The following LRPPRC variants were observed in gnomAD, a reference collection of about 807,000 sequenced individuals.
LRPPRC encodes the protein leucine rich pentatricopeptide repeat containing.
Under a neutral mutation model 180.3 loss-of-function variants are expected in LRPPRC, and 120 were observed. That is an observed-to-expected ratio of 0.67 (90% CI 0.57 to 0.77). The LOEUF is 0.77. Ranked by LOEUF, LRPPRC falls within the 30% of genes least tolerant of loss-of-function variation. The pLI, the probability that LRPPRC is intolerant of heterozygous loss-of-function variation, is 0.00. For synonymous variants in LRPPRC, 723 were observed against 600.0 expected (o/e 1.21, Z -3.00); for missense variants, 2,012 against 1,657.2 (o/e 1.21, Z -3.72).
Position 43,974,715 on chromosome 2 carries a change from C to T in LRPPRC, c.908G>A (p.Arg303His), listed in dbSNP as rs745653250. The change falls in exon 8 of 38, where the codon CGT becomes CAT. Residue 303 changes from arginine (R) to histidine (H), a missense_variant. By Grantham distance (29) the Arg-to-His change is conservative. Coordinates refer to ENST00000260665, the MANE Select transcript of LRPPRC (RefSeq NM_133259.4). ...GCTAAAAATAATTTGCAGTAAATCA[C>T]GGTCCATAAGGTGAAGCTCGGACTT... ...VEKSELHLMD[R>H]DLLQIIFSFS... 1.2e-4 allele frequency: 186 copies of T among 1,613,084 alleles called. No individual in the cohort carries two copies. The highest frequency in any genetic ancestry group is 1.6e-4 in the Middle Eastern group (1 of 6,082).
At position 43,957,495 on chromosome 2, in the gene LRPPRC, T is replaced by C. The variant is rs752365043; in HGVS notation, c.1583-44A>G. On this transcript the variant is annotated intron_variant, in intron 13 of 37. Coordinates refer to ENST00000260665, the MANE Select transcript of LRPPRC (RefSeq NM_133259.4). ...ATCATTAAATCTCAGACCAAACAAATTTAAAAACCCTGTATTATCAAATTG... is the reference window on the plus strand; with the variant it reads ...ATCATTAAATCTCAGACCAAACAAACTTAAAAACCCTGTATTATCAAATTG... 5.8e-5 allele frequency: 81 copies of C among 1,387,856 alleles called. 1 individual carries two copies. In the Admixed American group the frequency reaches 1.3e-3, roughly 22 times the overall value. The allele number at this position is 1,387,856 out of a possible 1,614,324, so 86.0% of individuals were successfully genotyped here.
chr2:43,943,924 G>A (rs770586884), intron 22 of LRPPRC, 30 bp from the exon 23 acceptor site: 3 of 1,530,810 alleles, frequency 2.0e-6, no homozygotes, highest in Admixed American at 1.7e-5. Context: ...AAGACCCTTA[G>A]GTAATTTCAT....
At chr2:43,947,409 A>C (rs766465947) in intron 19 of LRPPRC, 39 bp from the exon 20 acceptor site, 1 of 1,017,260 alleles carries the variant, frequency 9.8e-7, no homozygotes, top group Non-Finnish European at 1.6e-6. Flanking sequence ...TTTCCTGAAA[A>C]AGGAAATATA....
chr2:43,944,957 T>C (rs145121493), intron 22 of LRPPRC, among the ~76,000 whole-genome samples: 2 of 152,208 alleles, frequency 1.3e-5, no homozygotes, highest in East Asian at 3.9e-4. Flanking sequence ...GTTATGTTTA[T>C]AGGTTTTACG....
chr2:43,973,497 A>C, intron 11 of LRPPRC, 110 bp downstream of exon 11: 1 of 765,426 alleles, frequency 1.3e-6, no homozygotes, highest in South Asian at 1.4e-5. Flanking sequence ...CCATTATCTC[A>C]TAATACTCAG....
chr2:43,948,477 TCA>T lies in LRPPRC; in HGVS notation c.1775_1776del (p.Met592LysfsTer2). On this transcript the variant is annotated frameshift_variant, in exon 17 of 38. Coordinates refer to ENST00000260665, the MANE Select transcript of LRPPRC (RefSeq NM_133259.4). LOFTEE classifies it high-confidence loss of function. ...TCCTTGGCCTGTACCTCTGAGTCAC[TCA>T]TGCTGTCAATCAAGTTATAAAGAAA... ...GYFLYNLIDS[M>X]SDSEVQAKEE... 1 of 1,611,636 alleles carries T rather than the reference TCA, an allele frequency of 6.2e-7. No homozygotes were observed. Among genetic ancestry groups the T allele is most frequent in the South Asian group, 1.1e-5 (1 of 91,032 alleles).
At chr2:43,932,293 A>C (rs1489452242) in intron 25 of LRPPRC, among the ~76,000 whole-genome samples, 2 of 152,104 alleles carry the variant, frequency 1.3e-5, no homozygotes, top group African/African-American at 4.8e-5. Context: ...TGAGCTTATG[A>C]CTGGTTTATC....
chr2:43,963,548 T>G (rs201360053), intron 12 of LRPPRC, 40 bp downstream of exon 12: 1 of 1,174,880 alleles, frequency 8.5e-7, no homozygotes, highest in South Asian at 1.2e-5. Flanking sequence ...AGGAAAGATA[T>G]CCTCTTCAAT....
At chr2:43,974,592 A>C (rs758712784) in intron 8 of LRPPRC, 22 bp downstream of exon 8, 8 of 1,452,442 alleles carry the variant, frequency 5.5e-6, no homozygotes, top group Non-Finnish European at 6.7e-6. Context: ...AAAATCATGT[A>C]AATAGATTTT....
Position 43,934,219 on chromosome 2 carries a change from T to C in LRPPRC, c.2707A>G (p.Asn903Asp). The part of the protein sequence containing the change: ...DLFFAFLQTG[N>D]YKEAKKIIET... ...ATGATCTTCTTGGCCTCTTTGTAAT[T>C]TCCTGTTTGTAGGAAGGCAAAGAAG... The change falls in exon 25 of 38, where the codon AAT (asparagine) becomes GAT (aspartate). Residue 903 changes from asparagine to aspartate, a missense_variant. Transcript: ENST00000260665. The C allele has an allele frequency of 1.2e-6, 2 of 1,610,354 alleles. No homozygotes were observed. Among genetic ancestry groups the C allele is most frequent in the Non-Finnish European group, 1.7e-6 (2 of 1,176,928 alleles).
Position 43,934,901 on chromosome 2 carries a change from A to G in LRPPRC, c.2505-23T>C, listed in dbSNP as rs376923683. 1.8e-5 allele frequency: 29 copies of G among 1,606,360 alleles called. No individual in the cohort carries two copies. The African/African-American group carries it at 3.6e-4, about 20-fold the overall frequency. On this transcript the variant is annotated intron_variant, in intron 23 of 37. Coordinates refer to ENST00000260665, the MANE Select transcript of LRPPRC (RefSeq NM_133259.4). ...CCCCTTAGAAACAAAAAAATTAGCA[A>G]TGAATAAAATAAATCGAATTCAGCT...
At chr2:43,894,369 A>G (rs1670605944) in intron 36 of LRPPRC, among the ~76,000 whole-genome samples, 176 bp downstream of exon 36, 1 of 152,246 alleles carries the variant, frequency 6.6e-6, no homozygotes, top group South Asian at 2.1e-4. Context: ...TAATAGTTTA[A>G]AAACATATTC....
chr2:43,889,938 C>A, intron 36 of LRPPRC, 62 bp from the exon 37 acceptor site: 1 of 1,240,936 alleles, frequency 8.1e-7, no homozygotes, highest in Non-Finnish European at 1.2e-6. Context: ...CTCTTTTCAC[C>A]AAAACAGCCA....
In LRPPRC at chr2:43,986,480, A is replaced by G. The variant is rs575721178; in HGVS notation, c.150-4046T>C. Among the ~76,000 whole-genome samples, 24 of 152,258 alleles carry G rather than the reference A, an allele frequency of 1.6e-4. 1 individual carries two copies. In the South Asian group the frequency reaches 4.8e-3, roughly 30 times the overall value. ...TCCACTTTTTTTCTTCTTCACTGAT[A>G]TTATGAATCAGTTTAGTGTCACTTT... On this transcript the variant is annotated intron_variant, in intron 1 of 37. Coordinates refer to ENST00000260665, the MANE Select transcript of LRPPRC (RefSeq NM_133259.4).
chr2:43,946,072 G>T, intron 21 of LRPPRC, 41 bp downstream of exon 21: 1 of 1,597,300 alleles, frequency 6.3e-7, no homozygotes. Context: ...CTGTAGAGCA[G>T]AATAAATGTT....
At chr2:43,977,572 C>T (rs1187760948) in intron 3 of LRPPRC, among the ~76,000 whole-genome samples, 2 of 152,094 alleles carry the variant, frequency 1.3e-5, no homozygotes, top group Non-Finnish European at 2.9e-5. Flanking sequence ...TGACAATATC[C>T]CTATATTTAA....
chr2:43,995,679 T>TA lies in LRPPRC; in HGVS notation c.149+119dup, dbSNP rs1467981645. 13 of 976,766 alleles carry TA rather than the reference T, an allele frequency of 1.3e-5. No homozygotes were observed. In the African/African-American group the frequency reaches 2.3e-4, roughly 17 times the overall value. The allele number at this position is 976,766 out of a possible 1,614,324, so 60.5% of individuals were successfully genotyped here. On this transcript the variant is annotated intron_variant, in intron 1 of 37. Coordinates refer to ENST00000260665, the MANE Select transcript of LRPPRC (RefSeq NM_133259.4). ...AGCGTGGTGCGGAGCCCGGGGAGGC[T>TA]AGGTCCTGGGGCGGGGAGAAGGGTG...
chr2:43,945,825 T>A (rs957097429), intron 21 of LRPPRC, among the ~76,000 whole-genome samples: 9 of 152,066 alleles, frequency 5.9e-5, no homozygotes, highest in Admixed American at 3.9e-4. Context: ...TCAAGCCTCT[T>A]AAAACAGTTA....
chr2:43,994,903 T>A (rs567442985), intron 1 of LRPPRC, among the ~76,000 whole-genome samples: 1 of 152,332 alleles, frequency 6.6e-6, no homozygotes, highest in African/African-American at 2.4e-5. Flanking sequence ...TGCCTTTGCA[T>A]CCCCAGATTC....
Sources: allele counts gnomAD v4.1 joint callset (sites outside exome capture counted in the v4.1 genomes callset), GRCh38; gene constraint gnomAD v4.1.1; transcripts MANE v1.5; gene names NCBI Gene and HGNC (gene_info 2026-07-23, HGNC 2026-07-21).